C2: variants seen among roughly 807,000 people sequenced by gnomAD.
C2 encodes C3/C5 convertase.
In C2, 64 loss-of-function variants were observed where a neutral mutation model predicts 85.2. The observed-to-expected ratio is 0.75, with a 90% CI of 0.61 to 0.92. The LOEUF is 0.92. C2 is among the 40% of genes least tolerant of loss of function. C2 has a pLI of 0.00. For synonymous variants in C2, 311 were observed against 370.8 expected (o/e 0.84, Z 1.85); for missense variants, 820 against 971.6 (o/e 0.84, Z 2.07).
At chr6:31,937,196 G>C in intron 7 of C2, 123 bp from the exon 8 acceptor site, 1 of 981,060 alleles carries the variant, frequency 1.0e-6, no homozygotes, top group Non-Finnish European at 1.5e-6. Context: ...GTGGCAGAGC[G>C]AGACTCTCTC....
chr6:31,933,521 G>A, intron 3 of C2, 89 bp from the exon 4 acceptor site: 1 of 1,435,884 alleles, frequency 7.0e-7, no homozygotes, highest in Non-Finnish European at 9.6e-7. Context: ...TTGGAACTGG[G>A]AAGCTTCTGC....
At chr6:31,938,777 C>A (rs2151762834) in intron 8 of C2, among the ~76,000 whole-genome samples, 1 of 152,296 alleles carries the variant, frequency 6.6e-6, no homozygotes, top group South Asian at 2.1e-4. Flanking sequence ...CTCCTGCCTC[C>A]TGAGTAGCTG....
At chr6:31,900,124 C>T (rs1265800674), upstream of C2, 1 of 1,614,088 alleles carries the variant, frequency 6.2e-7, no homozygotes, top group Admixed American at 1.7e-5. This position sits in a 1 kb window ranked among gnomAD's most constrained non-coding sequence, Gnocchi z 9.7. Context: ...GTGTGAAGCA[C>T]TTGCCGCAGA....
intron 1 of C2, chr6:31,901,244 C>T (rs1230987635): frequency 1.2e-6 from 2 of 1,613,268 alleles, no homozygotes; most frequent in Non-Finnish European, 8.5e-7. Flanking sequence ...GTTCATGTTC[C>T]GTAGCGTTGC....
upstream of C2, chr6:31,899,971 G>A (rs376360824): frequency 4.4e-5 from 70 of 1,601,544 alleles, no homozygotes; most frequent in African/African-American, 5.8e-4. Context: ...CCTCCAGCAC[G>A]TTCTCGGCCG....
chr6:31,914,933 A>C (rs1768397661), intron 1 of C2, among the ~76,000 whole-genome samples: 1 of 151,978 alleles, frequency 6.6e-6, no homozygotes, highest in Non-Finnish European at 1.5e-5. Context: ...ACAACAACAA[A>C]AACAATGAAC....
intron 1 of C2, among the ~76,000 whole-genome samples, chr6:31,911,716 G>A (rs1291272342): frequency 6.7e-6 from 1 of 149,384 alleles, no homozygotes; most frequent in Non-Finnish European, 1.5e-5. Flanking sequence ...TGCAGCCTCC[G>A]CCTCCCGGGT....
At chr6:31,907,441 T>C (rs887339314) in intron 1 of C2, among the ~76,000 whole-genome samples, 3 of 148,660 alleles carry the variant, frequency 2.0e-5, no homozygotes, top group African/African-American at 7.5e-5. Flanking sequence ...AAAATAGCTG[T>C]GGGAGGTGGT....
At position 31,904,350 on chromosome 6, in the gene C2, G is replaced by A. The variant is rs1257410108; in HGVS notation, c.73+3211G>A. ...TTTATTTAGCTGGAGTTTTGCTCTT[G>A]TCACCCAGGCTGGAGTGCAATAGCA... On this transcript the variant is annotated intron_variant, in intron 1 of 3. Coordinates refer to the C2 transcript ENST00000452202. The surrounding 1 kb of genome is among the most constrained non-coding windows in gnomAD (Gnocchi z 4.4). 2.0e-5 allele frequency among the ~76,000 whole-genome samples: 3 copies of A among 151,898 alleles called. No individual in the cohort carries two copies. Among genetic ancestry groups the A allele is most frequent in the Non-Finnish European group, 4.4e-5 (3 of 67,994 alleles).
chr6:31,909,387 C>T (rs1712040651), intron 1 of C2, among the ~76,000 whole-genome samples: 2 of 151,846 alleles, frequency 1.3e-5, no homozygotes, highest in Admixed American at 1.3e-4. Context: ...ACCTCCACCT[C>T]CCAGGCTTAG....
At chr6:31,906,155 G>A (rs1177079431) in intron 1 of C2, among the ~76,000 whole-genome samples, 1 of 151,938 alleles carries the variant, frequency 6.6e-6, no homozygotes, top group Non-Finnish European at 1.5e-5. Flanking sequence ...TCTGCACTCA[G>A]CTCTGCCCTC....
rs780535780 is a variant in C2 at position 31,944,991 on chromosome 6, G to T, written c.2041G>T (p.Gly681Ter). The change falls in exon 17 of 18, where the codon GGA becomes TGA. Residue 681 changes from glycine (G) to a stop codon, truncating the protein, a stop_gained. Coordinates refer to ENST00000299367, the MANE Select transcript of C2 (RefSeq NM_000063.6). LOFTEE classifies it low-confidence loss of function (END_TRUNC). This position sits in a 1 kb window ranked among gnomAD's most constrained non-coding sequence, Gnocchi z 5.1. ...DESPCKGESGGAVFLERRFRF... is the reference protein window; with the variant it reads ...DESPCKGESG ...CCCTTTGCTGGCAGGAGAATCTGGGGGAGCAGTTTTCCTTGAGCGGAGATT... is the reference window on the plus strand; with the variant it reads ...CCCTTTGCTGGCAGGAGAATCTGGGTGAGCAGTTTTCCTTGAGCGGAGATT... The T allele has an allele frequency of 6.2e-7, 1 of 1,613,096 alleles. No homozygotes were observed. Among genetic ancestry groups the T allele is most frequent in the Non-Finnish European group, 8.5e-7 (1 of 1,180,038 alleles).
Position 31,930,306 on chromosome 6 carries a change from C to T in C2, c.442+1389C>T, listed in dbSNP as rs577505150. Among the ~76,000 whole-genome samples, 20 of 152,226 alleles carry T rather than the reference C, an allele frequency of 1.3e-4. No homozygotes were observed. The East Asian group carries it at 3.9e-3, about 30-fold the overall frequency. Reference sequence around the variant, plus strand: ...ATGTTGGCCAGGCTGGTCTCAAACTCCTGACCTCAGGGGATTCTGCCCACC... The same window carrying T: ...ATGTTGGCCAGGCTGGTCTCAAACTTCTGACCTCAGGGGATTCTGCCCACC... On this transcript the variant is annotated intron_variant, in intron 3 of 17. Transcript: ENST00000299367.
chr6:31,902,052 GCGGCGGCGT>G (rs1269339135), intron 1 of C2: 1 of 151,040 alleles, frequency 6.6e-6, no homozygotes, highest in Non-Finnish European at 1.5e-5. Flanking sequence ...GCGCGCGGCG[GCGGCGGCGT>G]CGGCTAGGAC....
rs1324146336 is a variant in C2 at position 31,934,248 on chromosome 6, G to A, written c.798G>A (p.Ser266=). 9 of 1,613,944 alleles carry A rather than the reference G, an allele frequency of 5.6e-6. No individual in the cohort carries two copies. The highest frequency in any genetic ancestry group is 2.2e-5 in the South Asian group (2 of 91,076). The change falls in exon 6 of 18, where the codon TCG becomes TCA. Residue 266 remains serine, a synonymous_variant. Coordinates refer to ENST00000299367, the MANE Select transcript of C2 (RefSeq NM_000063.6). ...TCCTGGACTGTTCGCAGAGTGTGTC[G>A]GAAAATGACTTTCTCATCTTCAAGG... The part of the protein sequence containing the change: ...YLLLDCSQSV[S]ENDFLIFKES...
At chr6:31,923,524 C>T (rs1326331021), upstream of C2, among the ~76,000 whole-genome samples, 1 of 152,164 alleles carries the variant, frequency 6.6e-6, no homozygotes, top group Admixed American at 6.5e-5. Flanking sequence ...TGCTCTGTCA[C>T]CCAGGCTGGA....
upstream of C2, chr6:31,897,902 C>T (rs1766805171): frequency 9.4e-7 from 1 of 1,059,658 alleles, no homozygotes; most frequent in Non-Finnish European, 1.1e-6. Flanking sequence ...CGAGACACGC[C>T]TGGGCCCAGG....
intron 1 of C2, among the ~76,000 whole-genome samples, chr6:31,902,350 CA>C (rs1485189530): frequency 6.6e-6 from 1 of 151,964 alleles, no homozygotes; most frequent in Non-Finnish European, 1.5e-5. Context: ...CCCGGCTGCC[CA>C]TGGCGCTACT....
In C2 at chr6:31,922,506, G is replaced by C. The variant is rs1769043903; in HGVS notation, c.-100+2480G>C. Among the ~76,000 whole-genome samples, 2 of 152,198 alleles carry C rather than the reference G, an allele frequency of 1.3e-5. No homozygotes were observed. The highest frequency in any genetic ancestry group is 4.1e-4 in the South Asian group (2 of 4,826). ...GCTGAGCTCTCCAGGGGAGAATAAG[G>C]CATCCTGAGAGGCCATCAGAGCATC... On this transcript the variant is annotated intron_variant, in intron 1 of 3. Coordinates refer to the C2 transcript ENST00000413154. This position sits in a 1 kb window ranked among gnomAD's most constrained non-coding sequence, Gnocchi z 4.8.
Sources: allele counts gnomAD v4.1 joint callset (sites outside exome capture counted in the v4.1 genomes callset), GRCh38; gene constraint gnomAD v4.1.1; non-coding constraint Gnocchi (gnomAD v3.1); transcripts MANE v1.5; gene names NCBI Gene and HGNC (gene_info 2026-07-23, HGNC 2026-07-21).